The following THTPA variants were observed in gnomAD, a reference collection of about 807,000 sequenced individuals.
The protein encoded by THTPA is thiamine triphosphatase.
Under a neutral mutation model 16.5 loss-of-function variants are expected in THTPA, and 16 were observed. The ratio of observed to expected loss-of-function variants is 0.97; its 90% confidence interval spans 0.66 to 1.47. The LOEUF is 1.47. THTPA is among the 40% of genes most tolerant of loss of function. THTPA has a pLI of 0.00. For missense variants in THTPA, 281 were observed against 280.9 expected (o/e 1.00, Z 0.00); for synonymous variants, 110 against 115.5 (o/e 0.95, Z 0.30).
chr14:23,533,958 G>A, the THTPA span: 1 of 1,537,888 alleles, frequency 6.5e-7, no homozygotes, highest in Non-Finnish European at 8.7e-7. This position sits in a 1 kb window ranked among gnomAD's most constrained non-coding sequence, Gnocchi z 4.8. Flanking sequence ...AGTTGCACTT[G>A]GGACACTTGA....
chr14:23,528,110 C>G, the THTPA span, among the ~76,000 whole-genome samples: 5 of 152,046 alleles, frequency 3.3e-5, no homozygotes, highest in Admixed American at 6.6e-5. Context: ...GGTTTTGCCA[C>G]ATTGGCCAGG....
chr14:23,551,409 G>A (rs1388100121), upstream of THTPA: 1 of 152,748 alleles, frequency 6.5e-6, no homozygotes, highest in Non-Finnish European at 1.5e-5. The surrounding 1 kb of genome is among the most constrained non-coding windows in gnomAD (Gnocchi z 5.3). Context: ...GGGGAGGGGA[G>A]GGGGCGGCTC....
the THTPA span, chr14:23,542,039 A>G: frequency 6.6e-6 from 1 of 152,394 alleles, no homozygotes. Flanking sequence ...TAAAGGGCAA[A>G]GAAAGATCGC....
At chr14:23,533,852 G>C in the THTPA span, 18 of 1,539,130 alleles carry the variant, frequency 1.2e-5, no homozygotes, top group Non-Finnish European at 1.6e-5. This position sits in a 1 kb window ranked among gnomAD's most constrained non-coding sequence, Gnocchi z 4.8. Flanking sequence ...AGGCGGGGGT[G>C]GGCGCCCCCA....
the THTPA span, among the ~76,000 whole-genome samples, chr14:23,537,517 G>T: frequency 6.6e-6 from 1 of 152,168 alleles, no homozygotes; most frequent in African/African-American, 2.4e-5. Context: ...AGGCCCCATT[G>T]TAGCTTCCCT....
the THTPA span, chr14:23,522,936 C>T: frequency 6.9e-7 from 1 of 1,442,028 alleles, no homozygotes; most frequent in Non-Finnish European, 9.1e-7. Flanking sequence ...GAGGAGGCTG[C>T]CGGGCCTAGA....
chr14:23,549,421 G>C, the THTPA span, among the ~76,000 whole-genome samples: 1 of 152,136 alleles, frequency 6.6e-6, no homozygotes, highest in Non-Finnish European at 1.5e-5. Flanking sequence ...GAAAAACAAT[G>C]ATGGGCTAAA....
At chr14:23,555,488 G>A (rs1882287301), upstream of THTPA, among the ~76,000 whole-genome samples, 1 of 152,070 alleles carries the variant, frequency 6.6e-6, no homozygotes, top group African/African-American at 2.4e-5. Flanking sequence ...GGCTATTCCT[G>A]TCTCCATCTA....
chr14:23,552,244 G>A (rs1356705959), upstream of THTPA, among the ~76,000 whole-genome samples: 2 of 151,670 alleles, frequency 1.3e-5, no homozygotes, highest in African/African-American at 4.9e-5. Flanking sequence ...GGGAGGTTCG[G>A]GCTCCTCCTC....
At chr14:23,548,761 T>C in the THTPA span, among the ~76,000 whole-genome samples, 1 of 152,230 alleles carries the variant, frequency 6.6e-6, no homozygotes, top group Admixed American at 6.5e-5. Context: ...TTCTGCTTTC[T>C]CTCCCTCTCT....
chr14:23,548,926 A>G, the THTPA span, among the ~76,000 whole-genome samples: 1 of 151,946 alleles, frequency 6.6e-6, no homozygotes, highest in African/African-American at 2.4e-5. Flanking sequence ...GTTTCCTTTG[A>G]TACCTCATCC....
At chr14:23,532,882 A>G in the THTPA span, 1 of 1,536,228 alleles carries the variant, frequency 6.5e-7, no homozygotes, top group Non-Finnish European at 8.7e-7. Context: ...CCTTCCATTC[A>G]GCTTCCGGGA....
At chr14:23,531,411 A>AG in the THTPA span, 1 of 1,336,558 alleles carries the variant, frequency 7.5e-7, no homozygotes, top group South Asian at 2.1e-5. Flanking sequence ...CTAACTCCGC[A>AG]GCCCCCCTGC....
chr14:23,520,394 C>T, the THTPA span, among the ~76,000 whole-genome samples: 135 of 115,844 alleles, frequency 1.2e-3, no homozygotes, highest in African/African-American at 2.8e-3. The surrounding 1 kb of genome is among the most constrained non-coding windows in gnomAD (Gnocchi z 8.7). Flanking sequence ...GGTGGGCCTC[C>T]AGGGGGGCAG....
chr14:23,518,195 A>G, the THTPA span, among the ~76,000 whole-genome samples: 1 of 152,160 alleles, frequency 6.6e-6, no homozygotes, highest in South Asian at 2.1e-4. This position sits in a 1 kb window ranked among gnomAD's most constrained non-coding sequence, Gnocchi z 4.5. Flanking sequence ...AGTTATATAT[A>G]TGGAGCTCTA....
At chr14:23,526,048 G>T in the THTPA span, 2 of 1,536,440 alleles carry the variant, frequency 1.3e-6, no homozygotes, top group Non-Finnish European at 1.7e-6. Flanking sequence ...CCTCTGTCTC[G>T]CCTTCCTTGG....
the THTPA span, chr14:23,523,896 C>G: frequency 1.8e-5 from 27 of 1,536,194 alleles, no homozygotes; most frequent in South Asian, 3.1e-4. The surrounding 1 kb of genome is among the most constrained non-coding windows in gnomAD (Gnocchi z 4.1). Flanking sequence ...TCTGGAGAAG[C>G]TTTAGGTGGT....
At chr14:23,554,564 T>C (rs1413192026), upstream of THTPA, among the ~76,000 whole-genome samples, 3 of 151,966 alleles carry the variant, frequency 2.0e-5, no homozygotes, top group East Asian at 5.8e-4. Flanking sequence ...TTTTTTTTTT[T>C]TTTTGTAGAA....
the THTPA span, among the ~76,000 whole-genome samples, chr14:23,538,505 T>A: frequency 6.6e-6 from 1 of 152,116 alleles, no homozygotes; most frequent in Non-Finnish European, 1.5e-5. Context: ...TACCTTGAAC[T>A]GGAGACAGTG....
Sources: allele counts gnomAD v4.1 joint callset (sites outside exome capture counted in the v4.1 genomes callset), GRCh38; gene constraint gnomAD v4.1.1; non-coding constraint Gnocchi (gnomAD v3.1); transcripts MANE v1.5; gene names NCBI Gene and HGNC (gene_info 2026-07-23, HGNC 2026-07-21).